Variants in TCF21 observed in about 807,000 individuals in gnomAD.
TCF21 encodes transcription factor 21.
Under a neutral mutation model 13.5 loss-of-function variants are expected in TCF21, and 3 were observed. The ratio of observed to expected loss-of-function variants is 0.22; its 90% CI spans 0.10 to 0.57. TCF21 has a LOEUF of 0.57. Among genes scored for constraint, TCF21 ranks in the 20% least tolerant of loss-of-function variants. TCF21 has a pLI of 0.92. For synonymous variants in TCF21, 92 were observed against 101.7 expected, an observed-to-expected ratio of 0.90 and a Z score of 0.57; for missense variants, 181 against 238.4, an observed-to-expected ratio of 0.76 and a Z score of 1.59.
intron 1 of TCF21, among the ~76,000 whole-genome samples, chr6:133,891,141 A>C (rs1775209380): frequency 6.6e-6 from 1 of 152,076 alleles, no homozygotes; most frequent in Non-Finnish European, 1.5e-5. Context: ...TTTTTCCTTA[A>C]GAGGTGGTGA....
In TCF21 at chr6:133,891,859, G is replaced by A; in HGVS notation, c.*57G>A. The A allele has an allele frequency of 6.3e-7, 1 of 1,579,350 alleles. No homozygotes were observed. Among genetic ancestry groups the A allele is most frequent in the Non-Finnish European group, 8.7e-7 (1 of 1,153,474 alleles). On this transcript the variant is annotated 3_prime_UTR_variant, in exon 2 of 2. Coordinates refer to ENST00000367882, the MANE Select transcript of TCF21 (RefSeq NM_003206.4). ...TCCCGGGGGGAGCGGGCCCCGGGAA[G>A]GCGACCCCTGCCCTCAGTGCTCTCT...
chr6:133,892,611 A>C (rs2114565308), downstream of TCF21: 1 of 152,362 alleles, frequency 6.6e-6, no homozygotes, highest in Non-Finnish European at 1.5e-5. Flanking sequence ...CGAGAAAGTA[A>C]ACTCCACCTT....
At position 133,889,655 on chromosome 6, in the gene TCF21, G is replaced by T. The variant is rs1775174436; in HGVS notation, c.258G>T (p.Ala86=). The stretch of plus-strand genomic sequence containing the variant: ...AGGTCCAGCGCAACGCCGCCAACGC[G>T]CGAGAGCGGGCCCGCATGCGAGTGC... ...GKQVQRNAAN[A]RERARMRVLS... is the part of the protein sequence containing the mutation. Residue 86 remains alanine, a synonymous_variant, in exon 1 of 2, where the codon GCG becomes GCT. Coordinates refer to ENST00000367882, the MANE Select transcript of TCF21 (RefSeq NM_003206.4). The surrounding 1 kb of genome is among the most constrained non-coding windows in gnomAD (Gnocchi z 5.1). 3 of 1,613,614 alleles carry T rather than the reference G, an allele frequency of 1.9e-6. No individual in the cohort carries two copies. The highest frequency in any genetic ancestry group is 2.2e-5 in the South Asian group (2 of 91,078).
Sources: gnomAD v4.1 joint callset for allele counts (sites outside exome capture counted in the v4.1 genomes callset) on GRCh38, gnomAD v4.1.1 for gene constraint, Gnocchi (gnomAD v3.1) non-coding constraint, MANE v1.5 for transcripts, NCBI Gene and HGNC (gene_info 2026-07-23, HGNC 2026-07-21) for gene names.